Variants in KCNS3 observed in about 807,000 individuals in gnomAD.
The protein encoded by KCNS3 is potassium voltage-gated channel modifier subfamily S member 3, also known as delayed-rectifier potassium channel regulatory subunit KCNS3.
In KCNS3, 13 loss-of-function variants were observed where a neutral mutation model predicts 31.0. That is an observed-to-expected ratio of 0.42 (90% CI 0.27 to 0.67). The LOEUF (loss-of-function observed/expected upper bound fraction) is 0.67. Ranked by LOEUF, KCNS3 falls within the 30% of genes least tolerant of loss-of-function variation. KCNS3 has a pLI of 0.25. For synonymous variants in KCNS3, 238 were observed against 241.5 expected (o/e 0.99, Z 0.13); for missense variants, 545 against 622.4 (o/e 0.88, Z 1.32).
chr2:17,907,493 C>T (rs1662355457), intron 1 of KCNS3, among the ~76,000 whole-genome samples: 1 of 152,154 alleles, frequency 6.6e-6, no homozygotes, highest in African/African-American at 2.4e-5. Context: ...TGAATTTGAT[C>T]CACTCCTTAT....
chr2:17,900,523 T>C (rs1192840292), intron 1 of KCNS3, among the ~76,000 whole-genome samples: 2 of 152,152 alleles, frequency 1.3e-5, no homozygotes, highest in East Asian at 3.8e-4. Flanking sequence ...GGAGTCTCGC[T>C]GTGTCGCCCA....
intron 1 of KCNS3, among the ~76,000 whole-genome samples, chr2:17,892,241 C>T (rs1049306774): frequency 8.6e-5 from 13 of 151,448 alleles, no homozygotes; most frequent in Non-Finnish European, 1.9e-4. Flanking sequence ...CAGAGCATTT[C>T]ACATTTCTAA....
chr2:17,879,175 G>A (rs12473301), intron 1 of KCNS3, among the ~76,000 whole-genome samples: 71,472 of 152,092 alleles, frequency 0.47, 18,524 homozygotes, highest in East Asian at 0.97. Flanking sequence ...CTGGAGGCGG[G>A]AGAATCGATG....
At chr2:17,912,780 AT>A (rs921746995) in intron 1 of KCNS3, among the ~76,000 whole-genome samples, 4 of 152,234 alleles carry the variant, frequency 2.6e-5, no homozygotes, top group African/African-American at 9.6e-5. Context: ...GAAAAATATA[AT>A]TTATACTAAC....
chr2:17,911,858 C>T (rs952941685), intron 1 of KCNS3, among the ~76,000 whole-genome samples: 2 of 152,196 alleles, frequency 1.3e-5, no homozygotes, highest in African/African-American at 2.4e-5. Flanking sequence ...GTTAACTTCT[C>T]TATTTACCAG....
intron 1 of KCNS3, among the ~76,000 whole-genome samples, chr2:17,886,290 A>G (rs1377397488): frequency 3.9e-5 from 6 of 152,204 alleles, no homozygotes; most frequent in Non-Finnish European, 8.8e-5. Flanking sequence ...AGCATTTCCT[A>G]TGATTTACTT....
At chr2:17,899,151 G>A (rs1662101845) in intron 1 of KCNS3, among the ~76,000 whole-genome samples, 1 of 151,680 alleles carries the variant, frequency 6.6e-6, no homozygotes. Flanking sequence ...GCTTGAACCC[G>A]GGAGGTGGAG....
intron 2 of KCNS3, among the ~76,000 whole-genome samples, chr2:17,921,958 T>TATATAAAA (rs1284771923): frequency 7.5e-6 from 1 of 133,860 alleles, no homozygotes; most frequent in African/African-American, 2.8e-5. Context: ...TATATATATA[T>TATATAAAA]AAATACATAT....
intron 1 of KCNS3, among the ~76,000 whole-genome samples, chr2:17,917,405 G>T (rs1018121825): frequency 6.6e-6 from 1 of 152,086 alleles, no homozygotes; most frequent in Non-Finnish European, 1.5e-5. Context: ...CTAGTGCCTG[G>T]TTTTATCTTT....
chr2:17,918,134 A>G (rs1662631821), intron 2 of KCNS3, among the ~76,000 whole-genome samples: 1 of 152,186 alleles, frequency 6.6e-6, no homozygotes, highest in South Asian at 2.1e-4. Flanking sequence ...TTTGACATTT[A>G]TAGTTCAGAC....
intron 1 of KCNS3, among the ~76,000 whole-genome samples, chr2:17,901,052 C>T (rs1466162867): frequency 5.9e-5 from 9 of 152,184 alleles, no homozygotes. Context: ...CAAGGTCACA[C>T]AGCTAGTGAG....
chr2:17,883,414 G>A (rs1003065518), intron 1 of KCNS3, among the ~76,000 whole-genome samples: 1 of 151,448 alleles, frequency 6.6e-6, no homozygotes, highest in African/African-American at 2.4e-5. Flanking sequence ...GGTGGGGTGG[G>A]GTGAGAAGTG....
intron 1 of KCNS3, among the ~76,000 whole-genome samples, chr2:17,916,994 G>A (rs1662605876): frequency 6.6e-6 from 1 of 152,146 alleles, no homozygotes; most frequent in Non-Finnish European, 1.5e-5. Flanking sequence ...TTACCTGGGT[G>A]GAAACTGGAT....
At chr2:17,927,464 T>A (rs956283477) in intron 2 of KCNS3, among the ~76,000 whole-genome samples, 1 of 152,220 alleles carries the variant, frequency 6.6e-6, no homozygotes, top group African/African-American at 2.4e-5. Flanking sequence ...ATTTCCATAC[T>A]GCTATAAAGA....
At chr2:17,880,692 C>T (rs1674624026) in intron 1 of KCNS3, among the ~76,000 whole-genome samples, 1 of 152,212 alleles carries the variant, frequency 6.6e-6, no homozygotes, top group Non-Finnish European at 1.5e-5. Flanking sequence ...AGGTCAGAAG[C>T]AGTCTTTGTT....
chr2:17,932,486 CG>C lies in KCNS3; in HGVS notation c.*7del. On this transcript the variant is annotated 3_prime_UTR_variant, in exon 3 of 3. Coordinates refer to ENST00000304101, the MANE Select transcript of KCNS3 (RefSeq NM_002252.5). ...TTGGAGAATTGCACAGCAAAATGAG[CG>C]GGGGTGTTTGTGCCTGTTTCTCTTA... The C allele has an allele frequency of 6.2e-7, 1 of 1,602,606 alleles. No homozygotes were observed. The highest frequency in any genetic ancestry group is 8.5e-7 in the Non-Finnish European group (1 of 1,174,464).
rs1224199197 is a variant in KCNS3 at position 17,930,952 on chromosome 2, G to A, written c.-57G>A. On this transcript the variant is annotated splice_region_variant and 5_prime_UTR_variant, in exon 3 of 3. Coordinates refer to ENST00000304101, the MANE Select transcript of KCNS3 (RefSeq NM_002252.5). ...ATATCATCTTGTGCTCTTTCCAGGT[G>A]CAGCCTGATCTTCCTCTTCTCCCTT... The A allele has an allele frequency of 6.4e-7, 1 of 1,565,998 alleles. No individual in the cohort carries two copies. Among genetic ancestry groups the A allele is most frequent in the African/African-American group, 1.4e-5 (1 of 73,882 alleles).
chr2:17,905,273 G>T (rs1053145000), intron 1 of KCNS3, among the ~76,000 whole-genome samples: 38 of 152,278 alleles, frequency 2.5e-4, no homozygotes, highest in Admixed American at 3.9e-4. Flanking sequence ...TCTGTTATTG[G>T]TGTATAAGAA....
chr2:17,929,691 A>G (rs1472539033), intron 2 of KCNS3, among the ~76,000 whole-genome samples: 1 of 152,218 alleles, frequency 6.6e-6, no homozygotes, highest in Non-Finnish European at 1.5e-5. Flanking sequence ...GTAATCCCAA[A>G]GATGCTTGAC....
Sources: allele counts gnomAD v4.1 joint callset (sites outside exome capture counted in the v4.1 genomes callset), GRCh38; gene constraint gnomAD v4.1.1; transcripts MANE v1.5; gene names NCBI Gene and HGNC (gene_info 2026-07-23, HGNC 2026-07-21).